Variants in MAP4K5 observed in about 807,000 individuals in gnomAD.
The protein encoded by MAP4K5 is MAPK/ERK kinase kinase kinase 5.
MAP4K5 carries 82 observed loss-of-function variants against 135.6 expected under a neutral mutation model. The ratio of observed to expected loss-of-function variants is 0.60; its 90% confidence interval spans 0.51 to 0.73. The LOEUF (loss-of-function observed/expected upper bound fraction) is 0.73, where lower values mean the gene tolerates loss of function less well. Ranked by LOEUF, MAP4K5 falls within the 30% of genes least tolerant of loss-of-function variation. The probability of loss-of-function intolerance (pLI) is 0.00; values close to 1 mark genes in which losing one functional copy is unlikely to be tolerated. For missense variants in MAP4K5, 907 were observed against 1,010.9 expected (o/e 0.90, Z 1.39); for synonymous variants, 347 against 335.0 (o/e 1.04, Z -0.39).
intron 2 of MAP4K5, among the ~76,000 whole-genome samples, chr14:50,508,856 T>C (rs559034653): frequency 6.6e-6 from 1 of 152,206 alleles, no homozygotes; most frequent in East Asian, 1.9e-4. Flanking sequence ...AGAAATACCA[T>C]TTGACCCAGT....
intron 32 of MAP4K5, among the ~76,000 whole-genome samples, chr14:50,421,559 GC>G (rs1486227905): frequency 6.6e-6 from 1 of 151,772 alleles, no homozygotes; most frequent in Non-Finnish European, 1.5e-5. Flanking sequence ...ACCGCGCCCG[GC>G]AACAAAATAA....
chr14:50,438,150 C>CA (rs1264367137), intron 23 of MAP4K5, 56 bp from the exon 24 acceptor site: 11 of 691,652 alleles, frequency 1.6e-5, no homozygotes, highest in African/African-American at 7.2e-5. Flanking sequence ...AAAACACACA[C>CA]AAAAAAACCC....
chr14:50,488,350 A>C (rs969334194), intron 3 of MAP4K5, among the ~76,000 whole-genome samples: 1 of 152,222 alleles, frequency 6.6e-6, no homozygotes, highest in East Asian at 1.9e-4. Context: ...ATTACAATTC[A>C]AGATGAGATT....
chr14:50,437,369 T>C, intron 26 of MAP4K5, 107 bp downstream of exon 26: 2 of 858,970 alleles, frequency 2.3e-6, no homozygotes, highest in Non-Finnish European at 3.6e-6. Context: ...TAAACACAAA[T>C]TTTAAAAACC....
intron 1 of MAP4K5, among the ~76,000 whole-genome samples, chr14:50,551,369 T>C (rs1460794154): frequency 6.6e-6 from 1 of 151,860 alleles, no homozygotes; most frequent in Non-Finnish European, 1.5e-5. Flanking sequence ...AGCAGTGAGA[T>C]TGAATCGATG....
At position 50,542,497 on chromosome 14, in the gene MAP4K5, A is replaced by T. The variant is rs1272350438; in HGVS notation, c.-94+2T>A. 6.6e-6 allele frequency: 1 copy of T among 152,222 alleles called. No individual in the cohort carries two copies. The highest frequency in any genetic ancestry group is 1.5e-5 in the Non-Finnish European group (1 of 68,036). The allele number at this position is 152,222 out of a possible 1,614,324, so 9.4% of individuals were successfully genotyped here. A position where few individuals can be genotyped will look rare whatever the true frequency, so the allele number is the denominator to read the frequency against. On this transcript the variant is annotated splice_donor_variant, in intron 2 of 8. Transcript: ENST00000555216. LOFTEE classifies it low-confidence loss of function (5UTR_SPLICE). Reference sequence around the variant, plus strand: ...AAGAAAATAAAAGAAATTGGATGTTACCTAATTTACTGGATCGTAAGTTGA... The same window carrying T: ...AAGAAAATAAAAGAAATTGGATGTTTCCTAATTTACTGGATCGTAAGTTGA...
chr14:50,441,795 C>CAT (rs1390479018), intron 21 of MAP4K5, among the ~76,000 whole-genome samples: 2 of 131,752 alleles, frequency 1.5e-5, no homozygotes, highest in African/African-American at 6.2e-5. Context: ...CACACACACA[C>CAT]ACATATATAT....
At chr14:50,437,861 C>G (rs1409137053) in intron 25 of MAP4K5, 33 bp downstream of exon 25, 4 of 1,252,616 alleles carry the variant, frequency 3.2e-6, no homozygotes. Flanking sequence ...ACTAATTCCC[C>G]TCATTCAGTA....
intron 3 of MAP4K5, among the ~76,000 whole-genome samples, chr14:50,501,093 A>T (rs985192626): frequency 7.2e-5 from 11 of 152,270 alleles, no homozygotes; most frequent in East Asian, 5.8e-4. Flanking sequence ...TATAAATATT[A>T]TATTTCTTAA....
At chr14:50,443,191 G>A (rs1197438689) in intron 20 of MAP4K5, among the ~76,000 whole-genome samples, 1 of 152,068 alleles carries the variant, frequency 6.6e-6, no homozygotes, top group African/African-American at 2.4e-5. Flanking sequence ...CTCTTTAATA[G>A]TCATAAGAGA....
chr14:50,464,194 A>ATGTTATTTAC, intron 11 of MAP4K5, 61 bp from the exon 12 acceptor site: 4 of 823,588 alleles, frequency 4.9e-6, no homozygotes, highest in Non-Finnish European at 8.0e-6. Flanking sequence ...GTGTTAGTAA[A>ATGTTATTTAC]TAACATTAAC....
At chr14:50,481,693 T>C (rs2037246638) in intron 6 of MAP4K5, among the ~76,000 whole-genome samples, 1 of 152,126 alleles carries the variant, frequency 6.6e-6, no homozygotes, top group Non-Finnish European at 1.5e-5. Context: ...ATAAATAAAT[T>C]GGGAGAAATA....
At chr14:50,464,233 A>AT (rs2036781276) in intron 11 of MAP4K5, 100 bp from the exon 12 acceptor site, 3 of 624,610 alleles carry the variant, frequency 4.8e-6, no homozygotes, top group South Asian at 2.0e-5. Context: ...AAACACCATG[A>AT]TTTTTTATTG....
chr14:50,451,227 G>A (rs77245364), intron 14 of MAP4K5, among the ~76,000 whole-genome samples: 2,181 of 152,018 alleles, frequency 0.014, 42 homozygotes, highest in African/African-American at 0.05. Context: ...TTCAAGTCAC[G>A]GCAACAGAAA....
intron 13 of MAP4K5, among the ~76,000 whole-genome samples, chr14:50,460,816 G>A (rs2036695336): frequency 6.6e-6 from 1 of 152,108 alleles, no homozygotes; most frequent in African/African-American, 2.4e-5. Flanking sequence ...AAGAGAGTAG[G>A]CTCTGGAGTT....
upstream of MAP4K5, among the ~76,000 whole-genome samples, chr14:50,535,584 T>C (rs1306388853): frequency 1.2e-5 from 1 of 83,952 alleles, no homozygotes; most frequent in African/African-American, 3.1e-5. Flanking sequence ...TATTAAACTA[T>C]TGTTTTACTA....
chr14:50,478,951 G>A (rs966610234), intron 6 of MAP4K5, among the ~76,000 whole-genome samples: 5 of 151,860 alleles, frequency 3.3e-5, no homozygotes. Flanking sequence ...ATGCTTCTAA[G>A]ATGTTCTAAT....
Position 50,468,456 on chromosome 14 carries a change from T to C in MAP4K5, c.674+195A>G, listed in dbSNP as rs904376155. The stretch of plus-strand genomic sequence containing the variant: ...AAAGCAGAACAAGGAGCTTGATCTG[T>C]AATTGTGAAAAATGAATTGAGGTAA... On this transcript the variant is annotated intron_variant, in intron 10 of 32. Coordinates refer to ENST00000682126, the MANE Select transcript of MAP4K5 (RefSeq NM_006575.6). 5 of 556,394 alleles carry C rather than the reference T, an allele frequency of 9.0e-6. No individual in the cohort carries two copies. The Admixed American group carries it at 9.3e-5, about 10-fold the overall frequency. 34.5% of individuals were successfully genotyped at this position (556,394 alleles called of 1,614,324 possible).
intron 14 of MAP4K5, among the ~76,000 whole-genome samples, chr14:50,454,411 C>T (rs1356113503): frequency 3.3e-5 from 5 of 151,932 alleles, no homozygotes; most frequent in African/African-American, 4.8e-5. Flanking sequence ...CTGGAGTATT[C>T]GTAAGATTTG....
Sources: allele counts gnomAD v4.1 joint callset (sites outside exome capture counted in the v4.1 genomes callset), GRCh38; gene constraint gnomAD v4.1.1; transcripts MANE v1.5; gene names NCBI Gene and HGNC (gene_info 2026-07-23, HGNC 2026-07-21).